Variants in ZRANB2 observed in about 807,000 individuals in gnomAD.
ZRANB2 encodes the protein zinc finger RANBP2-type containing 2.
In ZRANB2, 19 loss-of-function variants were observed where a neutral mutation model predicts 53.4. The ratio of observed to expected loss-of-function variants is 0.36; its 90% CI spans 0.25 to 0.52. ZRANB2 has a LOEUF of 0.52. Among genes scored for constraint, ZRANB2 ranks in the 20% least tolerant of loss-of-function variants. The probability of loss-of-function intolerance (pLI) is 0.93; values close to 1 mark genes in which losing one functional copy is unlikely to be tolerated. For synonymous variants in ZRANB2, 145 were observed against 134.8 expected, an observed-to-expected ratio of 1.08 and a Z score of -0.52; for missense variants, 309 against 401.1, an observed-to-expected ratio of 0.77 and a Z score of 1.96.
At chr1:71,072,087 G>A (rs1294584344) in intron 6 of ZRANB2, 34 bp downstream of exon 6, 2 of 1,596,260 alleles carry the variant, frequency 1.3e-6, no homozygotes, top group Admixed American at 3.6e-5. Context: ...ACTCCAATAA[G>A]ACAAAAGGGA....
chr1:71,072,944 T>G (rs1399939109), intron 4 of ZRANB2, among the ~76,000 whole-genome samples: 1 of 152,064 alleles, frequency 6.6e-6, no homozygotes, highest in Non-Finnish European at 1.5e-5. Context: ...CAACTGCAAA[T>G]AGTCTGAAAT....
chr1:71,072,102 G>T lies in ZRANB2; in HGVS notation c.513+19C>A, dbSNP rs777137518. 2.5e-6 allele frequency: 4 copies of T among 1,601,212 alleles called. No homozygotes were observed. In the African/African-American group the frequency reaches 5.4e-5, roughly 22 times the overall value. ...ACTCCAATAAGACAAAAGGGAAATA[G>T]GACAAGAAAATTGTTCACCTCATCT... On this transcript the variant is annotated intron_variant, in intron 6 of 9. Coordinates refer to ENST00000370920, the MANE Select transcript of ZRANB2 (RefSeq NM_203350.3).
At chr1:71,068,332 G>T (rs1232522622) in intron 8 of ZRANB2, among the ~76,000 whole-genome samples, 1 of 152,086 alleles carries the variant, frequency 6.6e-6, no homozygotes, top group Non-Finnish European at 1.5e-5. Context: ...CACAAATATG[G>T]AATTTCATTT....
chr1:71,067,631 A>T, intron 8 of ZRANB2: 1 of 436,694 alleles, frequency 2.3e-6, no homozygotes, highest in Non-Finnish European at 4.6e-6. Flanking sequence ...GAAGGAATTT[A>T]GCTCAAACTT....
In ZRANB2 at chr1:71,081,032, C is replaced by A; in HGVS notation, c.-37G>T. The A allele has an allele frequency of 6.2e-7, 1 of 1,613,968 alleles. No homozygotes were observed. The highest frequency in any genetic ancestry group is 8.5e-7 in the Non-Finnish European group (1 of 1,179,894). On this transcript the variant is annotated 5_prime_UTR_variant, in exon 1 of 10. Coordinates refer to ENST00000370920, the MANE Select transcript of ZRANB2 (RefSeq NM_203350.3). ...CCAGCACAGCCACCCGCAGCTATGTCTTCACAGGAGGAAAACGGGCCGGGG... is the reference window on the plus strand; with the variant it reads ...CCAGCACAGCCACCCGCAGCTATGTATTCACAGGAGGAAAACGGGCCGGGG...
intron 1 of ZRANB2, among the ~76,000 whole-genome samples, chr1:71,080,529 G>A (rs974344100): frequency 6.6e-6 from 1 of 151,948 alleles, no homozygotes; most frequent in African/African-American, 2.4e-5. Flanking sequence ...GGACGAGTGC[G>A]AGAAAGCAAT....
At chr1:71,076,349 G>C (rs370389692) in intron 4 of ZRANB2, among the ~76,000 whole-genome samples, 1 of 152,228 alleles carries the variant, frequency 6.6e-6, no homozygotes, top group South Asian at 2.1e-4. Context: ...TTTTGCAATC[G>C]ATATTTGAAA....
intron 9 of ZRANB2, 25 bp from the exon 10 acceptor site, chr1:71,065,162 G>C: frequency 6.4e-7 from 1 of 1,571,218 alleles, no homozygotes; most frequent in Non-Finnish European, 8.7e-7. Context: ...GGAGAGAGTA[G>C]GCATTCTAGT....
rs753674184 is a variant in ZRANB2, at chr1:71,063,472, C to A, written c.*1602G>T. 1.3e-5 allele frequency: 2 copies of A among 152,324 alleles called. No individual in the cohort carries two copies. The highest frequency in any genetic ancestry group is 2.9e-5 in the Non-Finnish European group (2 of 67,870). 9.4% of individuals were successfully genotyped at this position (152,324 alleles called of 1,614,324 possible). ...TAAACTACTATTAGCTAAATTATAACCTTGCATTTGCTTAGTACAGCCAAA... is the reference window on the plus strand; with the variant it reads ...TAAACTACTATTAGCTAAATTATAAACTTGCATTTGCTTAGTACAGCCAAA... On this transcript the variant is annotated 3_prime_UTR_variant, in exon 10 of 10. Coordinates refer to ENST00000370920, the MANE Select transcript of ZRANB2 (RefSeq NM_203350.3).
At chr1:71,071,500 C>A (rs1023963340) in intron 6 of ZRANB2, among the ~76,000 whole-genome samples, 1 of 152,088 alleles carries the variant, frequency 6.6e-6, no homozygotes, top group Admixed American at 6.6e-5. Flanking sequence ...CATTCCAAGA[C>A]CTCTTATGAT....
chr1:71,080,858 TA>T (rs1364520501), intron 1 of ZRANB2, 81 bp downstream of exon 1: 2 of 1,545,144 alleles, frequency 1.3e-6, no homozygotes, highest in Non-Finnish European at 1.8e-6. Flanking sequence ...CAGAAAATCA[TA>T]AAAAAGGAAA....
chr1:71,069,243 C>T, intron 8 of ZRANB2, 33 bp downstream of exon 8: 1 of 1,538,428 alleles, frequency 6.5e-7, no homozygotes. Flanking sequence ...ATATTTTTCT[C>T]TCTGCTTTAC....
chr1:71,069,719 T>G (rs550032170), intron 7 of ZRANB2: 1 of 155,284 alleles, frequency 6.4e-6, no homozygotes, highest in South Asian at 2.0e-4. Context: ...CTCTAAAATG[T>G]CTCCATCATT....
chr1:71,066,255 T>G (rs1661433130), intron 9 of ZRANB2: 1 of 153,576 alleles, frequency 6.5e-6, no homozygotes, highest in South Asian at 2.0e-4. Flanking sequence ...TCAAAAAAGA[T>G]TTGGACTGCA....
chr1:71,065,622 T>TAC, intron 9 of ZRANB2: 2 of 1,544,232 alleles, frequency 1.3e-6, no homozygotes, highest in Admixed American at 4.2e-5. Context: ...AAGATGATTG[T>TAC]ACAATTTGCT....
intron 6 of ZRANB2, among the ~76,000 whole-genome samples, 186 bp downstream of exon 6, chr1:71,071,935 G>T (rs1045268315): frequency 6.6e-6 from 1 of 152,086 alleles, no homozygotes; most frequent in Non-Finnish European, 1.5e-5. Flanking sequence ...GGTCACCACT[G>T]TATCTCCAGA....
intron 9 of ZRANB2, chr1:71,065,603 A>C (rs1296060433): frequency 6.7e-7 from 1 of 1,496,708 alleles, no homozygotes; most frequent in Non-Finnish European, 8.9e-7. Flanking sequence ...TTGGAAATCT[A>C]GGTCACACAA....
chr1:71,078,854 C>T (rs1661769774), intron 1 of ZRANB2, 146 bp from the exon 2 acceptor site: 1 of 702,588 alleles, frequency 1.4e-6, no homozygotes, highest in Non-Finnish European at 2.4e-6. Flanking sequence ...AAACTCCACA[C>T]AATTTACTGG....
chr1:71,079,648 A>C (rs1047455714), intron 1 of ZRANB2, among the ~76,000 whole-genome samples: 1 of 152,244 alleles, frequency 6.6e-6, no homozygotes, highest in Non-Finnish European at 1.5e-5. Context: ...CATATTGTAC[A>C]AACAACATTC....
Sources: allele counts gnomAD v4.1 joint callset (sites outside exome capture counted in the v4.1 genomes callset), GRCh38; gene constraint gnomAD v4.1.1; transcripts MANE v1.5; gene names NCBI Gene and HGNC (gene_info 2026-07-23, HGNC 2026-07-21).